TBC1D5: variants seen among roughly 807,000 people sequenced by gnomAD.
TBC1D5 encodes TBC1 domain family member 5.
In TBC1D5, 75 loss-of-function variants were observed where a neutral mutation model predicts 100.3. The observed-to-expected ratio is 0.75, with a 90% CI of 0.62 to 0.91. TBC1D5 has a LOEUF of 0.91. Among genes scored for constraint, TBC1D5 ranks in the 40% least tolerant of loss-of-function variants. The pLI is 0.00. For synonymous variants in TBC1D5, 323 were observed against 325.6 expected, an observed-to-expected ratio of 0.99 and a Z score of 0.09; for missense variants, 910 against 942.4, an observed-to-expected ratio of 0.97 and a Z score of 0.45.
Position 17,485,372 on chromosome 3 carries a change from T to C in TBC1D5, c.97+23102A>G, listed in dbSNP as rs560080113. On this transcript the variant is annotated intron_variant, in intron 3 of 21. Transcript: ENST00000253692. The stretch of plus-strand genomic sequence containing the variant: ...ATTATACTTTAAGTTTTAGGGTACA[T>C]GTGCACAATGTGCAGGTTAGTTACA... Among the ~76,000 whole-genome samples the C allele has an allele frequency of 3.5e-3, 525 of 151,920 alleles. 4 individuals are homozygous for C. The highest frequency in any genetic ancestry group is 0.012 in the African/African-American group (498 of 41,418).
intron 13 of TBC1D5, among the ~76,000 whole-genome samples, chr3:17,317,474 C>T (rs962507905): frequency 6.6e-6 from 1 of 152,102 alleles, no homozygotes; most frequent in African/African-American, 2.4e-5. Context: ...CTCAAAATGA[C>T]ATAAATTACC....
rs866045239 is a variant in TBC1D5 at position 17,690,511 on chromosome 3, C to G, written c.-101+48832G>C. On this transcript the variant is annotated intron_variant, in intron 1 of 21. Coordinates refer to ENST00000253692, the Ensembl canonical transcript of TBC1D5. The stretch of plus-strand genomic sequence containing the variant: ...GATTACAGGCGTGAGCCACCGCGCC[C>G]GGCCTAAAAATAGCCATATTTTATA... 6.8e-5 allele frequency among the ~76,000 whole-genome samples: 2 copies of G among 29,582 alleles called. 1 individual carries two copies. Among genetic ancestry groups the G allele is most frequent in the Non-Finnish European group, 1.4e-4 (2 of 13,942 alleles). 19.4% of individuals were successfully genotyped at this position (29,582 alleles called of 152,430 possible).
rs2093053345 is a variant in TBC1D5, at chr3:17,384,029, A to C, written c.510-14T>G. On this transcript the variant is annotated splice_polypyrimidine_tract_variant and intron_variant, in intron 8 of 21. Transcript: ENST00000253692. ...ATTTCAGGAAACCTGGAAAAAGAAAATACAAGATTGAAACTGACTAACACA... is the reference window on the plus strand; with the variant it reads ...ATTTCAGGAAACCTGGAAAAAGAAACTACAAGATTGAAACTGACTAACACA... The C allele has an allele frequency of 1.9e-6, 3 of 1,592,214 alleles. No homozygotes were observed. The highest frequency in any genetic ancestry group is 2.6e-6 in the Non-Finnish European group (3 of 1,164,494).
chr3:17,555,128 C>T (rs1479664695), intron 2 of TBC1D5, among the ~76,000 whole-genome samples: 1 of 151,996 alleles, frequency 6.6e-6, no homozygotes, highest in Non-Finnish European at 1.5e-5. Context: ...GGATTACAGG[C>T]ATGAGCCATT....
At chr3:17,728,188 T>C (rs1315289891) in intron 1 of TBC1D5, among the ~76,000 whole-genome samples, 1 of 152,142 alleles carries the variant, frequency 6.6e-6, no homozygotes, top group Admixed American at 6.5e-5. Context: ...GGAGCAATAT[T>C]TGAAACATTG....
chr3:17,367,631 G>A (rs2092232142), intron 13 of TBC1D5, among the ~76,000 whole-genome samples: 1 of 152,066 alleles, frequency 6.6e-6, no homozygotes, highest in East Asian at 1.9e-4. Flanking sequence ...AGCCCGGGCG[G>A]GCAGATCACT....
chr3:17,269,397 C>T lies in TBC1D5; in HGVS notation c.1246-10806G>A, dbSNP rs2079152376. Among the ~76,000 whole-genome samples the T allele has an allele frequency of 2.6e-5, 4 of 152,140 alleles. 1 individual carries two copies. Among genetic ancestry groups the T allele is most frequent in the Admixed American group, 2.6e-4 (4 of 15,270 alleles). ...GCAGAGAGATTTGTAGTGGTCTGTT[C>T]CCTAAGTAGAGCTGTCCACAGATTA... On this transcript the variant is annotated intron_variant, in intron 15 of 21. Transcript: ENST00000253692.
chr3:17,372,386 C>G (rs1198859124), intron 12 of TBC1D5, 139 bp from the exon 13 acceptor site: 2 of 689,270 alleles, frequency 2.9e-6, no homozygotes, highest in Non-Finnish European at 4.3e-6. Flanking sequence ...GGTGAGAGCA[C>G]CATGAAATAA....
chr3:17,455,311 A>T (rs57358230), intron 3 of TBC1D5, among the ~76,000 whole-genome samples: 212 of 131,118 alleles, frequency 1.6e-3, no homozygotes, highest in African/African-American at 7.1e-3. Context: ...TATATATGTA[A>T]ATATGTGTAT....
chr3:17,414,912 A>C (rs1180211505), intron 4 of TBC1D5, among the ~76,000 whole-genome samples: 1 of 152,190 alleles, frequency 6.6e-6, no homozygotes, highest in Non-Finnish European at 1.5e-5. Flanking sequence ...ACAAGCTTAA[A>C]ATGTATTTTT....
chr3:17,691,715 C>G (rs969634472), intron 1 of TBC1D5, among the ~76,000 whole-genome samples: 6 of 151,714 alleles, frequency 4.0e-5, no homozygotes, highest in Middle Eastern at 3.2e-3. Context: ...TATTCAGGAG[C>G]CTGAGGCAGG....
At chr3:17,440,252 A>G (rs940032882) in intron 3 of TBC1D5, among the ~76,000 whole-genome samples, 1 of 152,212 alleles carries the variant, frequency 6.6e-6, no homozygotes, top group Non-Finnish European at 1.5e-5. Context: ...GCATCCCACT[A>G]GAGATCAGCA....
At chr3:17,406,270 T>C (rs990080597) in intron 5 of TBC1D5, 148 bp downstream of exon 5, 6 of 640,478 alleles carry the variant, frequency 9.4e-6, no homozygotes, top group Non-Finnish European at 1.6e-5. Flanking sequence ...GTAAATGTCC[T>C]ATGAAAGATA....
intron 4 of TBC1D5, among the ~76,000 whole-genome samples, chr3:17,420,536 AT>A (rs922104032): frequency 1.3e-5 from 2 of 152,104 alleles, no homozygotes; most frequent in Non-Finnish European, 2.9e-5. Flanking sequence ...ATATTGGTGA[AT>A]TTTTTTAAAA....
intron 3 of TBC1D5, among the ~76,000 whole-genome samples, chr3:17,499,987 A>C (rs1216881456): frequency 6.7e-6 from 1 of 149,250 alleles, no homozygotes; most frequent in Non-Finnish European, 1.5e-5. Flanking sequence ...CCTTTTGCAG[A>C]CCTAATTGCC....
intron 2 of TBC1D5, among the ~76,000 whole-genome samples, chr3:17,517,089 C>T (rs111264631): frequency 2.0e-5 from 3 of 152,180 alleles, no homozygotes; most frequent in African/African-American, 4.8e-5. Flanking sequence ...AAAATAAAAT[C>T]CAGAATCAAA....
At chr3:17,242,697 TGTTTGA>T (rs2076401175) in intron 16 of TBC1D5, among the ~76,000 whole-genome samples, 1 of 152,124 alleles carries the variant, frequency 6.6e-6, no homozygotes, top group African/African-American at 2.4e-5. Flanking sequence ...TGGCTGGGTT[TGTTTGA>T]GTTTAAATAT....
intron 3 of TBC1D5, among the ~76,000 whole-genome samples, chr3:17,506,712 C>T (rs1006248912): frequency 6.6e-6 from 1 of 151,902 alleles, no homozygotes; most frequent in African/African-American, 2.4e-5. Flanking sequence ...AAGGTAACTA[C>T]TCATTCCTGT....
At chr3:17,439,961 A>G (rs750972655) in intron 3 of TBC1D5, among the ~76,000 whole-genome samples, 1 of 152,200 alleles carries the variant, frequency 6.6e-6, no homozygotes, top group East Asian at 1.9e-4. Context: ...TTTGTAATTC[A>G]AACTTTGTCA....
Sources: gnomAD v4.1 joint callset for allele counts (sites outside exome capture counted in the v4.1 genomes callset) on GRCh38, gnomAD v4.1.1 for gene constraint, MANE v1.5 for transcripts, NCBI Gene and HGNC (gene_info 2026-07-23, HGNC 2026-07-21) for gene names.